PCGF2: variants seen among roughly 807,000 people sequenced by gnomAD.
PCGF2 encodes the protein polycomb group RING finger protein 2.
PCGF2 carries 8 observed loss-of-function variants against 36.1 expected under a neutral mutation model. The observed-to-expected ratio is 0.22, with a 90% confidence interval of 0.13 to 0.40. The LOEUF (loss-of-function observed/expected upper bound fraction) is 0.40. PCGF2 is among the 10% of genes least tolerant of loss of function. The probability of loss-of-function intolerance (pLI) is 1.00; values close to 1 mark genes in which losing one functional copy is unlikely to be tolerated. For missense variants in PCGF2, 436 were observed against 475.9 expected (o/e 0.92, Z 0.78); for synonymous variants, 198 against 191.2 (o/e 1.04, Z -0.29).
chr17:38,738,300 G>T, intron 9 of PCGF2, 53 bp downstream of exon 9: 1 of 1,444,628 alleles, frequency 6.9e-7, no homozygotes, highest in Non-Finnish European at 9.7e-7. Flanking sequence ...TGCACAGACT[G>T]TCTGACACAC....
intron 2 of PCGF2, among the ~76,000 whole-genome samples, chr17:38,742,264 G>T (rs942997597): frequency 1.6e-4 from 25 of 152,162 alleles, no homozygotes; most frequent in African/African-American, 6.0e-4. Context: ...AGCCCCAACA[G>T]CTCCTTTACA....
rs968126661 is a variant in PCGF2 at position 38,740,321 on chromosome 17, C to A, written c.82G>T (p.Ala28Ser). 5 of 1,611,526 alleles carry A rather than the reference C, an allele frequency of 3.1e-6. No individual in the cohort carries two copies. The Admixed American group carries it at 8.4e-5, about 27-fold the overall frequency. ...CALCGGYFID[A>S]TTIVECLHSF... ...TGCAGGCACTCCACGATAGTGGTGG[C>A]GTCGATGAAGTACCCCCCGCAGAGG... The change falls in exon 3 of 11, where the codon GCC becomes TCC. Residue 28 changes from alanine to serine, a missense_variant. This residue lies in a region of PCGF2 where 189 missense variants were observed against 219.3 expected (regional missense o/e 0.86). Transcript: ENST00000620225.
intron 10 of PCGF2, 119 bp from the exon 11 acceptor site, chr17:38,735,719 G>A: frequency 7.5e-7 from 1 of 1,338,724 alleles, no homozygotes; most frequent in Non-Finnish European, 9.9e-7. Flanking sequence ...GGGATGGGAT[G>A]GGGCCTTGGA....
At chr17:38,738,920 AC>A in intron 6 of PCGF2, 59 bp from the exon 7 acceptor site, 1 of 1,549,848 alleles carries the variant, frequency 6.5e-7, no homozygotes, top group Non-Finnish European at 8.9e-7. Context: ...CCCGCCAAGG[AC>A]CCAGAGATCA....
At chr17:38,737,315 T>G (rs1179178572) in intron 9 of PCGF2, among the ~76,000 whole-genome samples, 1 of 151,582 alleles carries the variant, frequency 6.6e-6, no homozygotes, top group Non-Finnish European at 1.5e-5. Context: ...GTACAAAAAT[T>G]AGCCACGTGT....
Position 38,739,217 on chromosome 17 carries a change from C to T in PCGF2, c.246G>A (p.Leu82=), listed in dbSNP as rs780591825. The change falls in exon 5 of 11, where the codon TTG becomes TTA. Residue 82 remains leucine (L), a synonymous_variant. Transcript: ENST00000620225. This position sits in a 1 kb window ranked among gnomAD's most constrained non-coding sequence, Gnocchi z 4.0. ...DKTLQDIVYK[L]VPGLFKDEMK... is the part of the protein sequence containing the mutation. ...AGATACCTTTAAAAAGCCCAGGGAC[C>T]AATTTGTAGACAATGTCTTGAAGTG... is the stretch of plus-strand genomic sequence containing the variant. 11 of 1,614,084 alleles carry T rather than the reference C, an allele frequency of 6.8e-6. No individual in the cohort carries two copies. Among genetic ancestry groups the T allele is most frequent in the Non-Finnish European group, 9.3e-6 (11 of 1,180,000 alleles).
At chr17:38,742,837 G>C (rs1907289263) in intron 2 of PCGF2, among the ~76,000 whole-genome samples, 2 of 152,312 alleles carry the variant, frequency 1.3e-5, no homozygotes, top group Non-Finnish European at 2.9e-5. Flanking sequence ...TCCTGTGACT[G>C]CCTGTCAGTC....
chr17:38,738,699 GA>G, intron 7 of PCGF2, 53 bp downstream of exon 7: 1 of 1,570,360 alleles, frequency 6.4e-7, no homozygotes, highest in Admixed American at 1.7e-5. Context: ...CTGGGTGGGA[GA>G]AGGGGTTACC....
chr17:38,737,163 A>C (rs181460347), intron 9 of PCGF2, among the ~76,000 whole-genome samples: 9 of 151,530 alleles, frequency 5.9e-5, no homozygotes, highest in Non-Finnish European at 1.2e-4. Context: ...ACAAAAAACC[A>C]AAAACCCACC....
At chr17:38,743,712 C>T (rs1907354051) in intron 2 of PCGF2, among the ~76,000 whole-genome samples, 1 of 152,138 alleles carries the variant, frequency 6.6e-6, no homozygotes. Flanking sequence ...CTGCAGGGCC[C>T]TGCCAGCAGG....
chr17:38,740,176 G>A, intron 3 of PCGF2, 115 bp downstream of exon 3: 1 of 862,594 alleles, frequency 1.2e-6, no homozygotes, highest in East Asian at 2.5e-5. Context: ...GCAGACACGT[G>A]GGCGCGTTGG....
intron 9 of PCGF2, among the ~76,000 whole-genome samples, chr17:38,736,572 T>G (rs9889239): frequency 1.3e-5 from 2 of 151,880 alleles, no homozygotes; most frequent in African/African-American, 4.8e-5. Flanking sequence ...CGGTGGCTCA[T>G]GCCTGTAATC....
rs1906514383 is a variant in PCGF2 at position 38,734,436 on chromosome 17, TA to T, written c.*786del. ...GTGGGGGTGCAGCGCTTCACAATGC[TA>T]AAGCCTTAGCCCTCCTCCAAGAGCT... On this transcript the variant is annotated 3_prime_UTR_variant, in exon 11 of 11. Coordinates refer to ENST00000620225, the MANE Select transcript of PCGF2 (RefSeq NM_007144.3). The T allele has an allele frequency of 6.6e-6, 1 of 151,426 alleles. No individual in the cohort carries two copies. The highest frequency in any genetic ancestry group is 6.6e-5 in the Admixed American group (1 of 15,150). The allele number at this position is 151,426 out of a possible 1,614,324, so 9.4% of individuals were successfully genotyped here.
Position 38,735,597 on chromosome 17 carries a change from C to T in PCGF2, c.661G>A (p.Gly221Arg), listed in dbSNP as rs748359148. The T allele has an allele frequency of 1.9e-5, 30 of 1,559,142 alleles. No homozygotes were observed. Among genetic ancestry groups the T allele is most frequent in the African/African-American group, 1.6e-4 (12 of 73,972 alleles). The change falls in exon 11 of 11, where the codon GGG (glycine) becomes AGG (arginine). Residue 221 changes from glycine to arginine, a missense_variant. Gly to Arg is a moderately radical substitution (Grantham distance 125). This residue lies in a region of PCGF2 where 227 missense variants were observed against 212.9 expected (regional missense o/e 1.07). Coordinates refer to ENST00000620225, the MANE Select transcript of PCGF2 (RefSeq NM_007144.3). ...IAYIYPWRRN[G>R]PLPLKYRVQP... ...ACACGGTACTTGAGGGGGAGAGGCCCGTTCTGCGGGGAGAGTGGGGAGGAG... is the reference window on the plus strand; with the variant it reads ...ACACGGTACTTGAGGGGGAGAGGCCTGTTCTGCGGGGAGAGTGGGGAGGAG...
At chr17:38,742,436 C>G (rs1160151927) in intron 2 of PCGF2, among the ~76,000 whole-genome samples, 2 of 152,180 alleles carry the variant, frequency 1.3e-5, no homozygotes, top group Non-Finnish European at 2.9e-5. Context: ...GGGAACCTGG[C>G]CAGAGACCGA....
Position 38,735,392 on chromosome 17 carries a change from G to A in PCGF2, c.866C>T (p.Ser289Phe), listed in dbSNP as rs1173316640. The A allele has an allele frequency of 7.0e-6, 11 of 1,569,946 alleles. No homozygotes were observed. Among genetic ancestry groups the A allele is most frequent in the Non-Finnish European group, 9.5e-6 (11 of 1,156,916 alleles). Reference protein sequence around the residue: ...PATPSHGSPSSHGPPATHPTS... With the variant: ...PATPSHGSPSFHGPPATHPTS... Reference sequence around the variant, plus strand: ...AGGGTGGGTGGCTGGAGGCCCATGGGAACTGGGAGAGCCATGGGATGGGGT... The same window carrying A: ...AGGGTGGGTGGCTGGAGGCCCATGGAAACTGGGAGAGCCATGGGATGGGGT... The change falls in exon 11 of 11, where the codon TCC becomes TTC. Residue 289 changes from serine to phenylalanine, a missense_variant. Ser to Phe is a radical substitution (Grantham distance 155, BLOSUM62 -2). Around this residue, in one of 3 missense-constraint regions of PCGF2, gnomAD observed 227 missense variants for 212.9 expected, o/e 1.07. Transcript: ENST00000620225.
chr17:38,740,210 G>C, intron 3 of PCGF2, 81 bp downstream of exon 3: 13 of 1,275,738 alleles, frequency 1.0e-5, no homozygotes, highest in Non-Finnish European at 1.5e-5. Context: ...GGGTTTGCGT[G>C]CTACCTTCCT....
Position 38,738,936 on chromosome 17 carries a change from C to A in PCGF2, c.317-75G>T, listed in dbSNP as rs148936414. The A allele has an allele frequency of 4.7e-5, 73 of 1,542,792 alleles. No homozygotes were observed. The African/African-American group carries it at 8.2e-4, about 17-fold the overall frequency. On this transcript the variant is annotated intron_variant, in intron 6 of 10. Coordinates refer to ENST00000620225, the MANE Select transcript of PCGF2 (RefSeq NM_007144.3). Reference sequence around the variant, plus strand: ...CCGCCAAGGACCCAGAGATCATGAACTCAGCCAGGTGAGCCCAGCCACCTT... The same window carrying A: ...CCGCCAAGGACCCAGAGATCATGAAATCAGCCAGGTGAGCCCAGCCACCTT...
At chr17:38,743,979 G>A (rs569017537) in intron 2 of PCGF2, among the ~76,000 whole-genome samples, 12 of 152,284 alleles carry the variant, frequency 7.9e-5, no homozygotes, top group African/African-American at 2.9e-4. Flanking sequence ...CCAAGAAACA[G>A]AAAGGGGAGG....
Sources: allele counts gnomAD v4.1 joint callset (sites outside exome capture counted in the v4.1 genomes callset), GRCh38; gene constraint gnomAD v4.1.1; regional missense constraint gnomAD v4.1.1; non-coding constraint Gnocchi (gnomAD v3.1); transcripts MANE v1.5; gene names NCBI Gene and HGNC (gene_info 2026-07-23, HGNC 2026-07-21).